SMCHD1: variants seen among roughly 807,000 people sequenced by gnomAD.
SMCHD1 encodes the protein structural maintenance of chromosomes flexible hinge domain-containing protein 1.
In SMCHD1, 78 loss-of-function variants were observed where a neutral mutation model predicts 254.7. The observed-to-expected ratio is 0.31, with a 90% confidence interval of 0.26 to 0.37. The LOEUF (loss-of-function observed/expected upper bound fraction) is 0.37. SMCHD1 is among the 10% of genes least tolerant of loss of function. SMCHD1 has a pLI of 1.00. For missense variants in SMCHD1, 1,840 were observed against 2,408.1 expected (o/e 0.76, Z 4.94); for synonymous variants, 766 against 794.9 (o/e 0.96, Z 0.61).
intron 44 of SMCHD1, among the ~76,000 whole-genome samples, chr18:2,780,776 G>T (rs966376413): frequency 1.3e-5 from 2 of 152,182 alleles, no homozygotes; most frequent in African/African-American, 4.8e-5. Flanking sequence ...ATGCCTATAT[G>T]AATGTGGTGT....
intron 5 of SMCHD1, among the ~76,000 whole-genome samples, chr18:2,679,709 T>TGAGTTCATCCTACTTA (rs2073881673): frequency 6.6e-6 from 1 of 152,146 alleles, no homozygotes; most frequent in Non-Finnish European, 1.5e-5. Flanking sequence ...GGTGTGGATT[T>TGAGTTCATCCTACTTA]GAGTTCATCC....
rs772718353 is a variant in SMCHD1, at chr18:2,656,138, A to G, written c.63A>G (p.Gly21=). The change falls in exon 1 of 48, where the codon GGA becomes GGG. Residue 21 remains glycine (G), a synonymous_variant. Coordinates refer to ENST00000320876, the MANE Select transcript of SMCHD1 (RefSeq NM_015295.3). ...CTGTGGGGACTGAGGAGGATGGCGG[A>G]GGCGTCGGCCACAGGACGGTGTACT... The part of the protein sequence containing the change: ...GASVGTEEDG[G]GVGHRTVYLF... 13 of 1,494,974 alleles carry G rather than the reference A, an allele frequency of 8.7e-6. No homozygotes were observed. Among genetic ancestry groups the G allele is most frequent in the Middle Eastern group, 1.8e-4 (1 of 5,702 alleles). The allele number at this position is 1,494,974 out of a possible 1,614,324, so 92.6% of individuals were successfully genotyped here.
At chr18:2,797,288 A>C (rs772690532) in intron 47 of SMCHD1, among the ~76,000 whole-genome samples, 1 of 152,246 alleles carries the variant, frequency 6.6e-6, no homozygotes, top group Non-Finnish European at 1.5e-5. Flanking sequence ...CCCTAACTTC[A>C]TAGTAAGAAA....
intron 45 of SMCHD1, among the ~76,000 whole-genome samples, chr18:2,786,884 A>G (rs930427398): frequency 5.9e-5 from 9 of 152,186 alleles, no homozygotes; most frequent in African/African-American, 1.7e-4. Flanking sequence ...GTTTTGTTCA[A>G]CACTATGCAT....
intron 10 of SMCHD1, among the ~76,000 whole-genome samples, chr18:2,699,809 A>T (rs1250247994): frequency 6.6e-6 from 1 of 152,232 alleles, no homozygotes; most frequent in Non-Finnish European, 1.5e-5. Context: ...AGCAGCTTTT[A>T]TATAAGGGAC....
rs1368022149 is a variant in SMCHD1, at chr18:2,750,035, GT to G, written c.3928-3del. The G allele has an allele frequency of 6.4e-7, 1 of 1,550,678 alleles. No individual in the cohort carries two copies. The highest frequency in any genetic ancestry group is 1.2e-5 in the South Asian group (1 of 83,048). On this transcript the variant is annotated splice_polypyrimidine_tract_variant and splice_region_variant and intron_variant, in intron 30 of 47. Coordinates refer to ENST00000320876, the MANE Select transcript of SMCHD1 (RefSeq NM_015295.3). Reference sequence around the variant, plus strand: ...CTAATTAACCATTTTGTTTTGTTTTGTTTTTAGCTCATGCCTTCAAACCAAC... The same window carrying G: ...CTAATTAACCATTTTGTTTTGTTTTGTTTTAGCTCATGCCTTCAAACCAAC...
At chr18:2,744,841 T>C (rs1437889940) in intron 29 of SMCHD1, among the ~76,000 whole-genome samples, 1 of 152,100 alleles carries the variant, frequency 6.6e-6, no homozygotes, top group Non-Finnish European at 1.5e-5. Flanking sequence ...TTTTGTTTTG[T>C]TTTGTTTTTG....
At position 2,770,038 on chromosome 18, in the gene SMCHD1, A is replaced by G. The variant is rs2075949362; in HGVS notation, c.4896A>G (p.Gln1632=). ...QMAALTKEKD[Q]LSQSIVMYKS... ...CAGCACTTACAAAAGAAAAGGACCA[A>G]TTATCTCAGTCTATTGTTATGTATA... is the stretch of plus-strand genomic sequence containing the variant. Residue 1632 remains glutamine (Q), a synonymous_variant, in exon 39 of 48, where the codon CAA becomes CAG. Transcript: ENST00000320876. 3.1e-6 allele frequency: 5 copies of G among 1,602,960 alleles called. No individual in the cohort carries two copies. Among genetic ancestry groups the G allele is most frequent in the Middle Eastern group, 1.7e-4 (1 of 6,032 alleles).
rs372243414 is a variant in SMCHD1, at chr18:2,794,257, C to T, written c.5720-1692C>T. 1.8e-4 allele frequency among the ~76,000 whole-genome samples: 28 copies of T among 152,262 alleles called. 1 individual carries two copies. In the East Asian group the frequency reaches 5.0e-3, roughly 27 times the overall value. On this transcript the variant is annotated intron_variant, in intron 45 of 47. Coordinates refer to ENST00000320876, the MANE Select transcript of SMCHD1 (RefSeq NM_015295.3). ...ATCGCTTAAGCCCAGGAGTTCAAGA[C>T]CAGCCTGGGCTCAAGCAGTCCGCTC...
At chr18:2,738,332 A>G (rs2075288017) in intron 25 of SMCHD1, 65 bp from the exon 26 acceptor site, 3 of 1,376,726 alleles carry the variant, frequency 2.2e-6, no homozygotes, top group Admixed American at 2.7e-5. Context: ...TAAGAGTAAG[A>G]TAAGTGGCAG....
intron 8 of SMCHD1, among the ~76,000 whole-genome samples, chr18:2,695,005 T>C (rs767269025): frequency 3.6e-4 from 55 of 152,272 alleles, no homozygotes; most frequent in Non-Finnish European, 6.0e-4. Flanking sequence ...CCCCGTTTTG[T>C]GCTTCTTTTC....
intron 37 of SMCHD1, among the ~76,000 whole-genome samples, chr18:2,764,583 C>A (rs1261592331): frequency 6.6e-6 from 1 of 152,018 alleles, no homozygotes; most frequent in African/African-American, 2.4e-5. Flanking sequence ...TCTGTAGATT[C>A]AAAAATAATT....
intron 45 of SMCHD1, among the ~76,000 whole-genome samples, chr18:2,788,216 C>T (rs1303723219): frequency 6.6e-6 from 1 of 152,096 alleles, no homozygotes; most frequent in Non-Finnish European, 1.5e-5. Flanking sequence ...TTTGCCTATA[C>T]GTTGTCTTGC....
At chr18:2,692,727 A>G (rs1217604342) in intron 7 of SMCHD1, among the ~76,000 whole-genome samples, 2 of 152,192 alleles carry the variant, frequency 1.3e-5, no homozygotes, top group East Asian at 3.9e-4. Flanking sequence ...GGTGACTGTC[A>G]CCCTCGTTTT....
intron 17 of SMCHD1, among the ~76,000 whole-genome samples, chr18:2,709,033 C>T (rs2074602887): frequency 6.7e-6 from 1 of 148,734 alleles, no homozygotes; most frequent in Non-Finnish European, 1.5e-5. Context: ...AATAACTCTT[C>T]ATCACTCCTT....
chr18:2,751,438 A>C (rs777629743), intron 33 of SMCHD1, 45 bp downstream of exon 33: 2 of 1,084,594 alleles, frequency 1.8e-6, no homozygotes, highest in South Asian at 1.5e-5. Context: ...TAGTTCTTAC[A>C]TTTAACTTAA....
chr18:2,705,692 A>G lies in SMCHD1; in HGVS notation c.1843-2A>G. ...TTTTTTTTTTTAAAAACTAAATATT[A>G]GGTCAAGACAATCAAGACACTTCCC... On this transcript the variant is annotated splice_acceptor_variant, in intron 13 of 47. Transcript: ENST00000320876. LOFTEE classifies it high-confidence loss of function. 1.4e-6 allele frequency: 2 copies of G among 1,404,262 alleles called. No individual in the cohort carries two copies. Among genetic ancestry groups the G allele is most frequent in the Non-Finnish European group, 2.0e-6 (2 of 1,019,590 alleles). The allele number at this position is 1,404,262 out of a possible 1,614,324, so 87.0% of individuals were successfully genotyped here. A position where few individuals can be genotyped will look rare whatever the true frequency, so the allele number is the denominator to read the frequency against.
chr18:2,712,540 C>T (rs922729580), intron 17 of SMCHD1, among the ~76,000 whole-genome samples: 1 of 152,190 alleles, frequency 6.6e-6, no homozygotes, highest in Non-Finnish European at 1.5e-5. Flanking sequence ...CAGAGGCCAA[C>T]TTTTCATATA....
intron 45 of SMCHD1, among the ~76,000 whole-genome samples, chr18:2,795,303 C>T (rs529184441): frequency 7.3e-6 from 1 of 137,826 alleles, no homozygotes; most frequent in African/African-American, 2.6e-5. Context: ...GTGATCCACC[C>T]GCCTTGGAAC....
Sources: gnomAD v4.1 joint callset for allele counts (sites outside exome capture counted in the v4.1 genomes callset) on GRCh38, gnomAD v4.1.1 for gene constraint, MANE v1.5 for transcripts, NCBI Gene and HGNC (gene_info 2026-07-23, HGNC 2026-07-21) for gene names.